The following SLC12A8 variants were observed in gnomAD, a reference collection of about 807,000 sequenced individuals.
SLC12A8 encodes the protein cation-chloride cotransporter 9.
A neutral mutation model predicts 75.6 loss-of-function variants in SLC12A8; 69 were observed. The ratio of observed to expected loss-of-function variants is 0.91; its 90% CI spans 0.75 to 1.11. The LOEUF (loss-of-function observed/expected upper bound fraction) is 1.11. Among genes scored for constraint, SLC12A8 ranks in the 50% most tolerant of loss-of-function variants. The pLI, the probability that SLC12A8 is intolerant of heterozygous loss-of-function variation, is 0.00. For missense variants in SLC12A8, 877 were observed against 896.7 expected (o/e 0.98, Z 0.28); for synonymous variants, 365 against 372.8 (o/e 0.98, Z 0.24).
chr3:125,137,095 C>A (rs1933510747), intron 5 of SLC12A8, among the ~76,000 whole-genome samples: 1 of 152,198 alleles, frequency 6.6e-6, no homozygotes, highest in Non-Finnish European at 1.5e-5. Flanking sequence ...CAAGCCTCAT[C>A]CTCCACCCGC....
At chr3:125,120,506 G>A in intron 7 of SLC12A8, 93 bp downstream of exon 7, 1 of 876,396 alleles carries the variant, frequency 1.1e-6, no homozygotes, top group Non-Finnish European at 1.9e-6. Flanking sequence ...TCACAGTCGG[G>A]GCACTCTCAG....
chr3:125,115,342 T>C (rs1484129398), intron 8 of SLC12A8, among the ~76,000 whole-genome samples: 2 of 152,062 alleles, frequency 1.3e-5, no homozygotes, highest in Non-Finnish European at 2.9e-5. Context: ...GCTAACATGG[T>C]GAAACCCCGT....
intron 2 of SLC12A8, among the ~76,000 whole-genome samples, chr3:125,193,131 G>A (rs1157019471): frequency 1.3e-5 from 2 of 152,256 alleles, no homozygotes; most frequent in African/African-American, 2.4e-5. Context: ...CACTTTTGGA[G>A]GCTGAGGTGG....
intron 5 of SLC12A8, among the ~76,000 whole-genome samples, chr3:125,150,595 A>T (rs1373070032): frequency 1.4e-4 from 22 of 152,202 alleles, no homozygotes; most frequent in Non-Finnish European, 3.1e-4. Context: ...CGATACAGGA[A>T]ATCTCCAAAC....
At chr3:125,183,585 A>G (rs1024480028) in intron 4 of SLC12A8, among the ~76,000 whole-genome samples, 7 of 152,140 alleles carry the variant, frequency 4.6e-5, no homozygotes, top group Non-Finnish European at 8.8e-5. Flanking sequence ...ATTAACACAT[A>G]TGTCCTGAAT....
chr3:125,141,551 G>T (rs1235899978), intron 5 of SLC12A8, among the ~76,000 whole-genome samples: 1 of 152,244 alleles, frequency 6.6e-6, no homozygotes, highest in Non-Finnish European at 1.5e-5. Flanking sequence ...CTCCCCCTAC[G>T]CCGCTGGGGG....
chr3:125,083,866 A>G lies in SLC12A8; in HGVS notation c.*24T>C. 1 of 1,604,034 alleles carries G rather than the reference A, an allele frequency of 6.2e-7. No homozygotes were observed. The highest frequency in any genetic ancestry group is 8.5e-7 in the Non-Finnish European group (1 of 1,175,362). On this transcript the variant is annotated 3_prime_UTR_variant, in exon 14 of 14. Transcript: ENST00000469902. ...TCCACTGTACATGGGACAGCTCCAA[A>G]AGAGGAAGGTCCCAGCACTGCATCT...
At chr3:125,092,965 C>A (rs1938623007) in intron 10 of SLC12A8, among the ~76,000 whole-genome samples, 1 of 152,156 alleles carries the variant, frequency 6.6e-6, no homozygotes, top group South Asian at 2.1e-4. Flanking sequence ...AGCCATTAGG[C>A]AATTTCTCAT....
At chr3:125,160,086 G>A (rs527439035) in intron 5 of SLC12A8, among the ~76,000 whole-genome samples, 1 of 152,318 alleles carries the variant, frequency 6.6e-6, no homozygotes, top group South Asian at 2.1e-4. Flanking sequence ...GAGACAACAG[G>A]TGTGCACCAC....
intron 8 of SLC12A8, chr3:125,110,598 C>T (rs1408746800): frequency 3.4e-6 from 1 of 292,322 alleles, no homozygotes; most frequent in African/African-American, 2.1e-5. Context: ...TTGCTAAACA[C>T]AAACTTCTGG....
intron 12 of SLC12A8, among the ~76,000 whole-genome samples, chr3:125,090,788 C>T (rs1174864056): frequency 6.6e-6 from 1 of 152,030 alleles, no homozygotes; most frequent in Non-Finnish European, 1.5e-5. Flanking sequence ...CTTCCTTTTA[C>T]TTTTAACATG....
intron 5 of SLC12A8, among the ~76,000 whole-genome samples, chr3:125,172,830 G>T (rs1180989633): frequency 6.6e-6 from 1 of 152,078 alleles, no homozygotes; most frequent in Non-Finnish European, 1.5e-5. Flanking sequence ...TAAAGAAATG[G>T]GAAGAAATAA....
chr3:125,084,250 A>AAG (rs149355481), intron 13 of SLC12A8, among the ~76,000 whole-genome samples, 198 bp from the exon 14 acceptor site: 92,135 of 151,392 alleles, frequency 0.61, 29,078 homozygotes, highest in African/African-American at 0.78. Flanking sequence ...ATAAAATAAA[A>AAG]AGAGACAGAG....
chr3:125,208,750 AC>A (rs1935274336), intron 2 of SLC12A8, among the ~76,000 whole-genome samples: 1 of 60,436 alleles, frequency 1.7e-5, no homozygotes, highest in Non-Finnish European at 3.0e-5. Flanking sequence ...ACCAATCTAC[AC>A]ACACACACAC....
chr3:125,128,671 T>A (rs1933278655), intron 6 of SLC12A8, among the ~76,000 whole-genome samples: 1 of 152,202 alleles, frequency 6.6e-6, no homozygotes, highest in Admixed American at 6.5e-5. Context: ...CTCCTGTTTC[T>A]GCCCATAAGT....
chr3:125,102,610 C>G (rs950746376), intron 10 of SLC12A8, among the ~76,000 whole-genome samples: 7 of 152,204 alleles, frequency 4.6e-5, no homozygotes, highest in African/African-American at 1.7e-4. Flanking sequence ...AAAGTAAAGG[C>G]AGCAGGGAGT....
At chr3:125,128,070 C>T (rs1933251924) in intron 6 of SLC12A8, among the ~76,000 whole-genome samples, 1 of 151,778 alleles carries the variant, frequency 6.6e-6, no homozygotes, top group Admixed American at 6.6e-5. Flanking sequence ...GACAGGGTTT[C>T]ACCATGTTGG....
At chr3:125,099,335 T>C (rs888654180) in intron 10 of SLC12A8, among the ~76,000 whole-genome samples, 4 of 152,092 alleles carry the variant, frequency 2.6e-5, no homozygotes, top group Non-Finnish European at 5.9e-5. Flanking sequence ...AACCAAAAAC[T>C]CAGAAATATA....
At chr3:125,089,891 T>C (rs78251307) in intron 12 of SLC12A8, among the ~76,000 whole-genome samples, 2,078 of 151,540 alleles carry the variant, frequency 0.014, 41 homozygotes, top group African/African-American at 0.046. Flanking sequence ...CATTTGATGC[T>C]ATAAATTTTC....
Sources: gnomAD v4.1 joint callset for allele counts (sites outside exome capture counted in the v4.1 genomes callset) on GRCh38, gnomAD v4.1.1 for gene constraint, MANE v1.5 for transcripts, NCBI Gene and HGNC (gene_info 2026-07-23, HGNC 2026-07-21) for gene names.